The following UTP20 variants were observed in gnomAD, a reference collection of about 807,000 sequenced individuals.
UTP20 encodes UTP20 small subunit processome component.
In UTP20, 164 loss-of-function variants were observed where a neutral mutation model predicts 329.5. The observed-to-expected ratio is 0.50, with a 90% confidence interval of 0.44 to 0.57. The LOEUF (loss-of-function observed/expected upper bound fraction) is 0.57, where lower values mean the gene tolerates loss of function less well. UTP20 is among the 20% of genes least tolerant of loss of function. The pLI is 0.00. For missense variants in UTP20, 3,055 were observed against 3,284.2 expected (o/e 0.93, Z 1.71); for synonymous variants, 1,151 against 1,159.3 (o/e 0.99, Z 0.14).
At chr12:101,354,732 T>A in intron 40 of UTP20, 100 bp from the exon 41 acceptor site, 1 of 1,321,960 alleles carries the variant, frequency 7.6e-7, no homozygotes, top group Non-Finnish European at 1.0e-6. Flanking sequence ...GATTAGATAT[T>A]TTTTATCGGA....
At chr12:101,349,506 T>C (rs185427016) in intron 38 of UTP20, among the ~76,000 whole-genome samples, 2 of 152,028 alleles carry the variant, frequency 1.3e-5, no homozygotes, top group East Asian at 3.9e-4. Flanking sequence ...TGGCACAATC[T>C]CTGCTTACTG....
At position 101,385,633 on chromosome 12, in the gene UTP20, C is replaced by G; in HGVS notation, c.8107C>G (p.Leu2703Val). 1 of 1,613,890 alleles carries G rather than the reference C, an allele frequency of 6.2e-7. No homozygotes were observed. Among genetic ancestry groups the G allele is most frequent in the Middle Eastern group, 1.6e-4 (1 of 6,062 alleles). ...SQEIIELLKK[L>V]VGLESFSLAF... ...GGAAATCATAGAATTACTCAAAAAG[C>G]TGGTTGGGCTTGAGAGCTTCTCATT... is the stretch of plus-strand genomic sequence containing the variant. Residue 2703 changes from leucine (L) to valine (V), a missense_variant, in exon 61 of 62, where the codon CTG becomes GTG. By Grantham distance (32) the Leu-to-Val change is conservative. This residue lies in a region of UTP20 where 337 missense variants were observed against 345.5 expected (regional missense o/e 0.98). Coordinates refer to ENST00000261637, the MANE Select transcript of UTP20 (RefSeq NM_014503.3).
chr12:101,357,477 G>A (rs1869760996), intron 43 of UTP20, among the ~76,000 whole-genome samples: 1 of 152,220 alleles, frequency 6.6e-6, no homozygotes, highest in East Asian at 1.9e-4. Flanking sequence ...GGGGCTGGGT[G>A]CAGTGGCTTA....
intron 56 of UTP20, among the ~76,000 whole-genome samples, chr12:101,376,841 T>C (rs1453578920): frequency 6.6e-6 from 1 of 152,102 alleles, no homozygotes; most frequent in African/African-American, 2.4e-5. Flanking sequence ...AGAGATGGGG[T>C]TTCACCATGT....
At chr12:101,359,465 C>CTGTGTG (rs368060911) in intron 43 of UTP20, among the ~76,000 whole-genome samples, 23,525 of 148,026 alleles carry the variant, frequency 0.16, 4,075 homozygotes, top group East Asian at 0.46. Flanking sequence ...GTTCCTGAGG[C>CTGTGTG]TGTGTGTGTG....
rs1050847513 is a variant in UTP20, at chr12:101,354,837, A to G, written c.5113A>G (p.Ile1705Val). Reference protein sequence around the residue: ...MGKIENEENAIEAIELPEPEA... With the variant: ...MGKIENEENAVEAIELPEPEA... ...TTGTTGTTTATTAAACATAGACGCAATTGAAGCAATTGAGTTACCAGAGCC... is the reference window on the plus strand; with the variant it reads ...TTGTTGTTTATTAAACATAGACGCAGTTGAAGCAATTGAGTTACCAGAGCC... Residue 1705 changes from isoleucine to valine, a missense_variant, in exon 41 of 62, where the codon ATT becomes GTT. Around this residue, in one of 3 missense-constraint regions of UTP20, gnomAD observed 2,445 missense variants for 2,575.5 expected, o/e 0.95. Transcript: ENST00000261637. 2.5e-6 allele frequency: 4 copies of G among 1,612,798 alleles called. No individual in the cohort carries two copies. The highest frequency in any genetic ancestry group is 1.1e-5 in the South Asian group (1 of 90,836).
intron 2 of UTP20, among the ~76,000 whole-genome samples, chr12:101,283,297 T>A (rs1301402939): frequency 6.6e-6 from 1 of 152,224 alleles, no homozygotes; most frequent in Non-Finnish European, 1.5e-5. Flanking sequence ...TGTGGCTTGT[T>A]GATCTTGGTT....
chr12:101,305,611 T>A (rs1253531109), intron 15 of UTP20, among the ~76,000 whole-genome samples: 1 of 144,584 alleles, frequency 6.9e-6, no homozygotes, highest in Non-Finnish European at 1.5e-5. Context: ...ATAATAAATA[T>A]TATATATATA....
chr12:101,345,751 G>C (rs925206220), intron 37 of UTP20, 57 bp downstream of exon 37: 1 of 1,437,726 alleles, frequency 7.0e-7, no homozygotes, highest in African/African-American at 1.4e-5. Flanking sequence ...ATTTCAAACA[G>C]TTCTACCTCA....
At chr12:101,349,386 A>T (rs1869442044) in intron 38 of UTP20, among the ~76,000 whole-genome samples, 2 of 148,616 alleles carry the variant, frequency 1.3e-5, no homozygotes, top group South Asian at 4.3e-4. Context: ...TGTAGTTTGC[A>T]TCAAACTTGA....
intron 2 of UTP20, among the ~76,000 whole-genome samples, chr12:101,283,853 C>T (rs1871874075): frequency 6.6e-6 from 1 of 152,154 alleles, no homozygotes. Context: ...CAGCCTAAAA[C>T]AAAATTTAAT....
intron 26 of UTP20, among the ~76,000 whole-genome samples, chr12:101,328,081 G>A (rs1412092446): frequency 6.6e-6 from 1 of 152,150 alleles, no homozygotes; most frequent in East Asian, 1.9e-4. Context: ...TTTGCTTGAG[G>A]TCAAACATAG....
At chr12:101,318,986 A>G (rs10860707) in intron 22 of UTP20, among the ~76,000 whole-genome samples, 19,189 of 152,062 alleles carry the variant, frequency 0.13, 2,686 homozygotes, top group East Asian at 0.47. Context: ...TCATGTCACT[A>G]TACAATACTC....
At chr12:101,327,472 T>C (rs1868607693) in intron 26 of UTP20, among the ~76,000 whole-genome samples, 1 of 152,214 alleles carries the variant, frequency 6.6e-6, no homozygotes, top group Admixed American at 6.5e-5. Flanking sequence ...TTAGAGCCCC[T>C]GATGAGAAAT....
intron 44 of UTP20, 50 bp downstream of exon 44, chr12:101,362,110 C>A (rs1346439423): frequency 4.5e-6 from 6 of 1,337,660 alleles, no homozygotes; most frequent in South Asian, 2.4e-5. Flanking sequence ...GGGCCAACGA[C>A]ACAAAAAAAT....
chr12:101,356,310 G>T (rs887544912), intron 41 of UTP20, among the ~76,000 whole-genome samples: 3 of 152,120 alleles, frequency 2.0e-5, no homozygotes, highest in Admixed American at 2.0e-4. Context: ...ATTTTTAGTA[G>T]AGACGGGGTT....
chr12:101,341,675 G>A (rs1869140058), intron 32 of UTP20, among the ~76,000 whole-genome samples: 2 of 152,160 alleles, frequency 1.3e-5, no homozygotes, highest in African/African-American at 4.8e-5. Flanking sequence ...GGGAGGCCAA[G>A]GCAGGCAGAT....
intron 17 of UTP20, among the ~76,000 whole-genome samples, chr12:101,307,916 C>T (rs1354325588): frequency 1.3e-5 from 2 of 152,032 alleles, no homozygotes; most frequent in Non-Finnish European, 1.5e-5. Flanking sequence ...TTTATTTCAA[C>T]AAATGTTGCC....
intron 24 of UTP20, 55 bp downstream of exon 24, chr12:101,320,992 C>T (rs1593431928): frequency 6.8e-7 from 1 of 1,478,414 alleles, no homozygotes; most frequent in East Asian, 2.3e-5. Context: ...TTTTATATTT[C>T]TGCCTAAGAG....
Sources: gnomAD v4.1 joint callset for allele counts (sites outside exome capture counted in the v4.1 genomes callset) on GRCh38, gnomAD v4.1.1 for gene constraint, gnomAD v4.1.1 regional missense constraint, MANE v1.5 for transcripts, NCBI Gene and HGNC (gene_info 2026-07-23, HGNC 2026-07-21) for gene names.